The following PDK1 variants were observed in gnomAD, a reference collection of about 807,000 sequenced individuals.
PDK1 encodes [Pyruvate dehydrogenase (acetyl-transferring)] kinase isozyme 1, mitochondrial.
In PDK1, 39 loss-of-function variants were observed where a neutral mutation model predicts 54.2. The ratio of observed to expected loss-of-function variants is 0.72; its 90% CI spans 0.56 to 0.94. The LOEUF is 0.94. PDK1 is among the 40% of genes least tolerant of loss of function. The pLI, the probability that PDK1 is intolerant of heterozygous loss-of-function variation, is 0.00. For synonymous variants in PDK1, 221 were observed against 207.1 expected, an observed-to-expected ratio of 1.07 and a Z score of -0.58; for missense variants, 552 against 566.0, an observed-to-expected ratio of 0.98 and a Z score of 0.25.
At chr2:172,666,256 A>G in the PDK1 span, among the ~76,000 whole-genome samples, 1 of 152,226 alleles carries the variant, frequency 6.6e-6, no homozygotes, top group Non-Finnish European at 1.5e-5. Context: ...TGTACGTTAA[A>G]AGGCTCAAGA....
At chr2:172,700,072 G>C in the PDK1 span, among the ~76,000 whole-genome samples, 3 of 152,134 alleles carry the variant, frequency 2.0e-5, no homozygotes, top group Non-Finnish European at 4.4e-5. Flanking sequence ...ACGGGGCTGG[G>C]GGCAAGGCCA....
chr2:172,702,102 G>A, the PDK1 span, among the ~76,000 whole-genome samples: 2 of 152,160 alleles, frequency 1.3e-5, no homozygotes, highest in African/African-American at 2.4e-5. Context: ...TTAAGTGAAG[G>A]ACTGGGATGA....
the PDK1 span, among the ~76,000 whole-genome samples, chr2:172,707,758 G>A: frequency 6.6e-6 from 1 of 152,214 alleles, no homozygotes. Flanking sequence ...AAAGTCTTGA[G>A]AATTGTGTGT....
intron 8 of PDK1, among the ~76,000 whole-genome samples, chr2:172,573,447 G>A (rs1379542782): frequency 6.6e-6 from 1 of 151,630 alleles, no homozygotes; most frequent in Non-Finnish European, 1.5e-5. Context: ...TTATTGTTGA[G>A]TTGTAACGGT....
chr2:172,721,658 A>G, the PDK1 span, among the ~76,000 whole-genome samples: 5 of 152,194 alleles, frequency 3.3e-5, no homozygotes, highest in Non-Finnish European at 7.4e-5. Context: ...CTTTAAAGTT[A>G]TTCTAGAGAT....
the PDK1 span, among the ~76,000 whole-genome samples, chr2:172,703,766 C>CTTTTTT: frequency 4.9e-3 from 439 of 89,104 alleles, 18 homozygotes; most frequent in African/African-American, 9.7e-3. Flanking sequence ...TTCTTTCTTT[C>CTTTTTT]TTTTTTTTTT....
intron 5 of PDK1, among the ~76,000 whole-genome samples, chr2:172,566,573 A>G (rs1286190847): frequency 2.0e-5 from 3 of 151,834 alleles, no homozygotes; most frequent in African/African-American, 7.3e-5. Flanking sequence ...AAAAAAGGAA[A>G]GGCTTTCCCT....
chr2:172,669,557 C>G, the PDK1 span, among the ~76,000 whole-genome samples: 1 of 152,288 alleles, frequency 6.6e-6, no homozygotes, highest in East Asian at 1.9e-4. Context: ...CTTGCTGGAT[C>G]ATACGGTGGT....
chr2:172,619,435 G>C, the PDK1 span, among the ~76,000 whole-genome samples: 1 of 151,842 alleles, frequency 6.6e-6, no homozygotes, highest in Non-Finnish European at 1.5e-5. Flanking sequence ...GACACTGCCC[G>C]TAACTCATTT....
chr2:172,634,772 C>CAA, the PDK1 span, among the ~76,000 whole-genome samples: 57 of 129,748 alleles, frequency 4.4e-4, 1 homozygote, highest in African/African-American at 1.1e-3. Context: ...TCTTAAAATG[C>CAA]AAAAAAAAAA....
the PDK1 span, among the ~76,000 whole-genome samples, chr2:172,720,118 T>TC: frequency 1.0e-4 from 14 of 135,416 alleles, no homozygotes; most frequent in African/African-American, 4.4e-4. Context: ...CTCTCTCTCT[T>TC]TTTTTTTTTT....
chr2:172,595,765 T>C (rs1574540559), intron 10 of PDK1, 64 bp from the exon 11 acceptor site: 2 of 1,436,106 alleles, frequency 1.4e-6, no homozygotes, highest in East Asian at 4.6e-5. Flanking sequence ...CCATTGTCTA[T>C]TTTCTCAAAT....
chr2:172,711,614 C>T, the PDK1 span, among the ~76,000 whole-genome samples: 1 of 151,998 alleles, frequency 6.6e-6, no homozygotes, highest in Non-Finnish European at 1.5e-5. Flanking sequence ...CCTGTAATCC[C>T]AGAACTTTGG....
Position 172,604,467 on chromosome 2 carries a change from T to C in PDK1, c.*8498T>C, listed in dbSNP as rs1691220425. ...ATTTTGTTAGACTTAAATCTAAGTA[T>C]TTGCTTTTTTTTTAACTTACAAATT... is the stretch of plus-strand genomic sequence containing the variant. On this transcript the variant is annotated 3_prime_UTR_variant, in exon 11 of 11. Coordinates refer to ENST00000282077, the MANE Select transcript of PDK1 (RefSeq NM_002610.5). 6.6e-6 allele frequency: 1 copy of C among 152,212 alleles called. No individual in the cohort carries two copies. The highest frequency in any genetic ancestry group is 6.5e-5 in the Admixed American group (1 of 15,278). The allele number at this position is 152,212 out of a possible 1,614,324, so 9.4% of individuals were successfully genotyped here. A position where few individuals can be genotyped will look rare whatever the true frequency, so the allele number is the denominator to read the frequency against.
chr2:172,650,366 C>A, the PDK1 span, among the ~76,000 whole-genome samples: 1,210 of 152,264 alleles, frequency 7.9e-3, 11 homozygotes, highest in Admixed American at 0.011. Context: ...CCGGTACCAG[C>A]CACTGCAAAA....
the PDK1 span, among the ~76,000 whole-genome samples, chr2:172,683,208 G>A: frequency 9.9e-5 from 15 of 152,158 alleles, no homozygotes; most frequent in East Asian, 1.9e-4. Flanking sequence ...TTAGCCAGGC[G>A]TGGTGGCAGG....
At chr2:172,642,138 G>C in the PDK1 span, among the ~76,000 whole-genome samples, 2 of 152,288 alleles carry the variant, frequency 1.3e-5, no homozygotes, top group East Asian at 3.9e-4. Context: ...ACTGCTGTTG[G>C]GGAAGAATAC....
At chr2:172,682,232 G>C in the PDK1 span, among the ~76,000 whole-genome samples, 2 of 152,228 alleles carry the variant, frequency 1.3e-5, no homozygotes, top group Non-Finnish European at 2.9e-5. Context: ...GGAACAACAA[G>C]GAGGCTGTGT....
the PDK1 span, among the ~76,000 whole-genome samples, chr2:172,687,335 GT>G: frequency 0.035 from 5,187 of 146,980 alleles, 300 homozygotes; most frequent in African/African-American, 0.12. Flanking sequence ...TATTTAAGAA[GT>G]TTTTTTTTTT....
Sources: gnomAD v4.1 joint callset for allele counts (sites outside exome capture counted in the v4.1 genomes callset) on GRCh38, gnomAD v4.1.1 for gene constraint, MANE v1.5 for transcripts, NCBI Gene and HGNC (gene_info 2026-07-23, HGNC 2026-07-21) for gene names.